The following ERICH2 variants were observed in gnomAD, a reference collection of about 807,000 sequenced individuals.
The protein encoded by ERICH2 is glutamate rich 2.
A neutral mutation model predicts 17.4 loss-of-function variants in ERICH2; 17 were observed. The observed-to-expected ratio is 0.98, with a 90% CI of 0.67 to 1.47. The LOEUF (loss-of-function observed/expected upper bound fraction) is 1.47, where lower values mean the gene tolerates loss of function less well. ERICH2 is among the 40% of genes most tolerant of loss of function. The pLI is 0.00. For synonymous variants in ERICH2, 51 were observed against 61.1 expected (o/e 0.83, Z 0.77); for missense variants, 186 against 183.2 (o/e 1.01, Z -0.09).
chr2:170,792,885 G>C, exon 3 of ERICH2: 2 of 1,514,384 alleles, frequency 1.3e-6, no homozygotes, highest in Non-Finnish European at 1.8e-6. Flanking sequence ...GAAATGGCCC[G>C]AGAGTACCAG....
the ERICH2 span, among the ~76,000 whole-genome samples, chr2:170,776,027 G>T: frequency 1.3e-5 from 2 of 151,868 alleles, no homozygotes; most frequent in South Asian, 2.1e-4. Flanking sequence ...GAAGTGGATT[G>T]TTACTTAGGA....
exon 3 of ERICH2, chr2:170,792,878 A>G (rs867305307): frequency 1.3e-6 from 2 of 1,516,646 alleles, no homozygotes; most frequent in Middle Eastern, 1.7e-4. Flanking sequence ...GAGAGCAGAA[A>G]TGGCCCGAGA....
chr2:170,781,708 A>T (rs1353264977), upstream of ERICH2, among the ~76,000 whole-genome samples: 1 of 92,196 alleles, frequency 1.1e-5, no homozygotes, highest in Non-Finnish European at 2.9e-5. Context: ...AGGGCACCTC[A>T]TTAAGAATTC....
chr2:170,788,809 G>C (rs1701214769), intron 2 of ERICH2, among the ~76,000 whole-genome samples: 2 of 151,902 alleles, frequency 1.3e-5, no homozygotes, highest in Admixed American at 1.3e-4. Flanking sequence ...ATAGAAAAAT[G>C]GAAAGAGTAG....
At chr2:170,785,095 T>C (rs1701126524) in intron 2 of ERICH2, among the ~76,000 whole-genome samples, 1 of 152,118 alleles carries the variant, frequency 6.6e-6, no homozygotes, top group Non-Finnish European at 1.5e-5. Context: ...CAGTAGTTTA[T>C]TGTATACTTT....
chr2:170,783,135 TAAATAA>T (rs1212868496), upstream of ERICH2: 2 of 150,754 alleles, frequency 1.3e-5, no homozygotes, highest in African/African-American at 4.9e-5. Flanking sequence ...AAAATAAAAA[TAAATAA>T]AAATAAAATA....
chr2:170,776,274 T>G, the ERICH2 span, among the ~76,000 whole-genome samples: 1 of 152,242 alleles, frequency 6.6e-6, no homozygotes. Context: ...AATTTCTATA[T>G]GTATTTGTTT....
the ERICH2 span, chr2:170,777,695 T>A: frequency 1.6e-6 from 2 of 1,232,292 alleles, no homozygotes; most frequent in Non-Finnish European, 2.0e-6. Flanking sequence ...GAAGATGTCT[T>A]TGATTGTGCA....
At chr2:170,792,979 C>T (rs867929414) in intron 3 of ERICH2, 59 bp downstream of exon 8, 40 of 1,015,876 alleles carry the variant, frequency 3.9e-5, no homozygotes, top group African/African-American at 3.8e-4. Context: ...AAATGAATTC[C>T]GTAATATATA....
chr2:170,792,913 TC>T lies in ERICH2; in HGVS notation c.268del (p.Gln90ArgfsTer2). ...AGTACCAGCTGGCAAAAAAATTATG[TC>T]AGATGAGTAAGTACAAAATACTTTC... On this transcript the variant is annotated frameshift_variant, in exon 3 of 5. Coordinates refer to ENST00000409885, the Ensembl canonical transcript of ERICH2. LOFTEE classifies it high-confidence loss of function. 1 of 1,508,436 alleles carries T rather than the reference TC, an allele frequency of 6.6e-7. No individual in the cohort carries two copies. Among genetic ancestry groups the T allele is most frequent in the Non-Finnish European group, 8.9e-7 (1 of 1,119,160 alleles). The allele number at this position is 1,508,436 out of a possible 1,614,324, so 93.4% of individuals were successfully genotyped here. A position where few individuals can be genotyped will look rare whatever the true frequency, so the allele number is the denominator to read the frequency against.
chr2:170,783,692 C>A, upstream of ERICH2: 1 of 1,197,878 alleles, frequency 8.3e-7, no homozygotes, highest in Non-Finnish European at 1.2e-6. Flanking sequence ...TCTCATGCTG[C>A]TAACTGTTTG....
chr2:170,782,375 TA>T (rs1381407820), upstream of ERICH2: 1 of 983,814 alleles, frequency 1.0e-6, no homozygotes, highest in African/African-American at 1.7e-5. Context: ...TCTTCCTGCT[TA>T]AAAGAAAGCA....
At chr2:170,788,351 T>C in intron 2 of ERICH2, among the ~76,000 whole-genome samples, 1 of 152,184 alleles carries the variant, frequency 6.6e-6, no homozygotes, top group Non-Finnish European at 1.5e-5. Flanking sequence ...AAGTTATCCA[T>C]TAATTCATTT....
chr2:170,774,564 CTT>C, the ERICH2 span, among the ~76,000 whole-genome samples: 7 of 98,570 alleles, frequency 7.1e-5, no homozygotes, highest in African/African-American at 2.7e-4. Flanking sequence ...AGAGCCCCAT[CTT>C]TTTTTTTTTT....
intron 2 of ERICH2, among the ~76,000 whole-genome samples, chr2:170,785,050 AG>A (rs1701124903): frequency 6.6e-6 from 1 of 152,166 alleles, no homozygotes; most frequent in African/African-American, 2.4e-5. Flanking sequence ...AATAAATTCT[AG>A]TATTCAGTAG....
At chr2:170,795,388 C>A (rs967011625) in intron 3 of ERICH2, among the ~76,000 whole-genome samples, 5 of 152,138 alleles carry the variant, frequency 3.3e-5, no homozygotes, top group Non-Finnish European at 7.3e-5. Flanking sequence ...CACTCTGTCA[C>A]CCAGGCTGGA....
At chr2:170,790,525 GCT>G (rs1701263634) in intron 2 of ERICH2, among the ~76,000 whole-genome samples, 1 of 152,240 alleles carries the variant, frequency 6.6e-6, no homozygotes, top group Admixed American at 6.5e-5. Flanking sequence ...TATTCAGGAG[GCT>G]GAGGCAGGAG....
upstream of ERICH2, among the ~76,000 whole-genome samples, chr2:170,781,028 G>A (rs1701012825): frequency 6.6e-6 from 1 of 152,166 alleles, no homozygotes; most frequent in Non-Finnish European, 1.5e-5. Flanking sequence ...CATCTTTGCT[G>A]TGCATTTTTC....
chr2:170,798,199 C>T (rs1431853776), intron 4 of ERICH2, 87 bp downstream of exon 9: 1 of 904,184 alleles, frequency 1.1e-6, no homozygotes, highest in African/African-American at 1.7e-5. Context: ...ATTGTCGATA[C>T]ATCTTTAGGA....
Sources: gnomAD v4.1 joint callset for allele counts (sites outside exome capture counted in the v4.1 genomes callset) on GRCh38, gnomAD v4.1.1 for gene constraint, MANE v1.5 for transcripts, NCBI Gene and HGNC (gene_info 2026-07-23, HGNC 2026-07-21) for gene names.